ZNF506: variants seen among roughly 807,000 people sequenced by gnomAD.
ZNF506 encodes zinc finger protein 506.
In ZNF506, 10 loss-of-function variants were observed where a neutral mutation model predicts 11.6. That is an observed-to-expected ratio of 0.86 (90% CI 0.53 to 1.46). The LOEUF is 1.46. Among genes scored for constraint, ZNF506 ranks in the 40% most tolerant of loss-of-function variants. ZNF506 has a pLI of 0.00. For synonymous variants in ZNF506, 156 were observed against 173.3 expected (o/e 0.90, Z 0.78); for missense variants, 425 against 521.2 (o/e 0.82, Z 1.80).
chr19:19,800,391 A>AATATATATATATATATATATAT (rs3062863), intron 3 of ZNF506, among the ~76,000 whole-genome samples: 78 of 139,216 alleles, frequency 5.6e-4, no homozygotes, highest in East Asian at 2.6e-3. Context: ...AACTAAACAG[A>AATATATATATATATATATATAT]ATATATATAT....
rs771387495 is a variant in ZNF506 at position 19,806,116 on chromosome 19, GACA to G, written c.138_140del (p.Val47del). 3.1e-6 allele frequency: 5 copies of G among 1,602,832 alleles called. No individual in the cohort carries two copies. The highest frequency in any genetic ancestry group is 1.8e-5 in the Admixed American group (1 of 56,614). On this transcript the variant is annotated inframe_deletion, in exon 3 of 4. Transcript: ENST00000540806. ...GACAGGTGATCAGGTTTGGTTTAGA[GACA>G]ACAATACCTGTTTTATTAAGAATAA...
At chr19:19,800,423 T>TATATATATATATATTTATATA (rs1568474341) in intron 3 of ZNF506, among the ~76,000 whole-genome samples, 1 of 147,430 alleles carries the variant, frequency 6.8e-6, no homozygotes, top group East Asian at 2.0e-4. Context: ...TTTATATATA[T>TATATATATATATATTTATATA]TATTTTTTTT....
At chr19:19,808,273 G>A (rs71332160) in intron 1 of ZNF506, among the ~76,000 whole-genome samples, 2 of 150,848 alleles carry the variant, frequency 1.3e-5, no homozygotes, top group African/African-American at 4.9e-5. Flanking sequence ...ACAGGCACCC[G>A]CCACCAGGCC....
At chr19:19,808,348 T>C (rs1214144119) in intron 1 of ZNF506, among the ~76,000 whole-genome samples, 3 of 149,162 alleles carry the variant, frequency 2.0e-5, no homozygotes, top group Non-Finnish European at 4.5e-5. Flanking sequence ...TGGTCTCGAT[T>C]TCCTGACCTC....
chr19:19,794,901 G>C lies in ZNF506; in HGVS notation c.986C>G (p.Thr329Ser). ...GKAFNRSSNL[T>S]KHKRIHTGDV... The stretch of plus-strand genomic sequence containing the variant: ...TCCAGTATGAATTCTCTTATGTTTA[G>C]TAAGGTTTGAGGAACGGTTAAAAGC... Residue 329 changes from threonine to serine, a missense_variant, in exon 4 of 4, where the codon ACT becomes AGT. Physicochemically the swap from Thr to Ser is moderately conservative, Grantham distance 58 (BLOSUM62 1). Around this residue, in one of 3 missense-constraint regions of ZNF506, gnomAD observed 192 missense variants for 215.7 expected, o/e 0.89. Coordinates refer to ENST00000540806, the MANE Select transcript of ZNF506 (RefSeq NM_001099269.3). 1 of 1,613,588 alleles carries C rather than the reference G, an allele frequency of 6.2e-7. No homozygotes were observed. The highest frequency in any genetic ancestry group is 1.1e-5 in the South Asian group (1 of 91,050).
At position 19,795,610 on chromosome 19, in the gene ZNF506, C is replaced by G. The variant is rs774609179; in HGVS notation, c.277G>C (p.Asp93His). The change falls in exon 4 of 4, where the codon GAT becomes CAT. Residue 93 changes from aspartate (D) to histidine (H), a missense_variant. Asp to His is a moderately conservative substitution (Grantham distance 81). This residue lies in a region of ZNF506 where 226 missense variants were observed against 279.1 expected (regional missense o/e 0.81). Transcript: ENST00000540806. Reference sequence around the variant, plus strand: ...CTTAGTATCACTTTTTGGAAAGAATCTTTTATGCTCTGCTCTGACCAAAGG... The same window carrying G: ...CTTAGTATCACTTTTTGGAAAGAATGTTTTATGCTCTGCTCTGACCAAAGG... ...QDLWSEQSIK[D>H]SFQKVILRRY... 9 of 1,552,312 alleles carry G rather than the reference C, an allele frequency of 5.8e-6. No homozygotes were observed. The East Asian group carries it at 6.7e-5, about 12-fold the overall frequency.
rs757153780 is a variant in ZNF506, at chr19:19,821,652, A to G, written c.-49T>C. 3 of 1,612,522 alleles carry G rather than the reference A, an allele frequency of 1.9e-6. No individual in the cohort carries two copies. The highest frequency in any genetic ancestry group is 1.7e-5 in the Admixed American group (1 of 59,962). On this transcript the variant is annotated 5_prime_UTR_variant, in exon 1 of 4. Transcript: ENST00000540806. Reference sequence around the variant, plus strand: ...GCGTCCTAGCTGTGACCCTCCTAATACCTGCAGGTCACAGGGCCACAGAGG... The same window carrying G: ...GCGTCCTAGCTGTGACCCTCCTAATGCCTGCAGGTCACAGGGCCACAGAGG...
Position 19,806,060 on chromosome 19 carries a change from T to A in ZNF506, c.197A>T (p.Lys66Met). The A allele has an allele frequency of 6.2e-7, 1 of 1,610,368 alleles. No individual in the cohort carries two copies. The highest frequency in any genetic ancestry group is 8.5e-7 in the Non-Finnish European group (1 of 1,178,786). Residue 66 changes from lysine (K) to methionine (M), a missense_variant, in exon 3 of 4, where the codon AAG becomes ATG. Lys to Met is a moderately conservative substitution (Grantham distance 95, BLOSUM62 -1). Around this residue, in one of 3 missense-constraint regions of ZNF506, gnomAD observed 226 missense variants for 279.1 expected, o/e 0.81. Coordinates refer to ENST00000540806, the MANE Select transcript of ZNF506 (RefSeq NM_001099269.3). The part of the protein sequence containing the change: ...LEQGKKPLTM[K>M]RHEMIAKPPV... The stretch of plus-strand genomic sequence containing the variant: ...GGGTTTGGCAATCATCTCATGCCTC[T>A]TCATAGTTAAAGGTTTTTTTCCTTG...
chr19:19,817,940 G>A (rs10411953), intron 1 of ZNF506, among the ~76,000 whole-genome samples: 4,233 of 149,562 alleles, frequency 0.028, 203 homozygotes, highest in African/African-American at 0.099. Flanking sequence ...CCACTCTCCT[G>A]CCTCAGCCTC....
intron 3 of ZNF506, chr19:19,798,181 ATC>A (rs1456116542): frequency 6.6e-6 from 1 of 152,228 alleles, no homozygotes; most frequent in African/African-American, 2.4e-5. Flanking sequence ...AATTATGAAC[ATC>A]TGTTAATGAA....
At chr19:19,811,743 A>C (rs952558773) in intron 1 of ZNF506, among the ~76,000 whole-genome samples, 2 of 152,142 alleles carry the variant, frequency 1.3e-5, no homozygotes, top group Non-Finnish European at 2.9e-5. Context: ...CAGAGGTTGC[A>C]GTGAGCTGAG....
At chr19:19,801,549 G>A in intron 3 of ZNF506, among the ~76,000 whole-genome samples, 1 of 151,598 alleles carries the variant, frequency 6.6e-6, no homozygotes, top group Admixed American at 6.6e-5. Context: ...CCAGCACTTT[G>A]GGAGGCTCAG....
intron 3 of ZNF506, among the ~76,000 whole-genome samples, chr19:19,804,988 C>T (rs561615908): frequency 8.3e-4 from 126 of 151,988 alleles, no homozygotes; most frequent in African/African-American, 2.9e-3. Context: ...ATGTAAATGA[C>T]GAGTTAATGG....
At chr19:19,814,891 T>C (rs1599527269) in intron 1 of ZNF506, among the ~76,000 whole-genome samples, 1 of 152,098 alleles carries the variant, frequency 6.6e-6, no homozygotes, top group African/African-American at 2.4e-5. Context: ...GCAGATTCAG[T>C]GTCTGTGAGT....
chr19:19,799,818 A>C (rs995862870), intron 3 of ZNF506, among the ~76,000 whole-genome samples: 11 of 152,080 alleles, frequency 7.2e-5, no homozygotes, highest in African/African-American at 2.4e-4. Context: ...AGAAATAAAA[A>C]CAGCAAATCC....
chr19:19,805,710 T>C (rs2062830391), intron 3 of ZNF506, among the ~76,000 whole-genome samples: 1 of 152,094 alleles, frequency 6.6e-6, no homozygotes, highest in Admixed American at 6.6e-5. Flanking sequence ...TACTTGTGTG[T>C]CCCCAAAACA....
At chr19:19,796,316 G>C (rs1420019851) in intron 3 of ZNF506, 1 of 151,900 alleles carries the variant, frequency 6.6e-6, no homozygotes, top group Non-Finnish European at 1.5e-5. Context: ...GCCAACCCCT[G>C]GTTTCTTTTT....
At chr19:19,806,164 T>C in intron 2 of ZNF506, 38 bp from the exon 3 acceptor site, 1 of 1,482,390 alleles carries the variant, frequency 6.7e-7, no homozygotes, top group Non-Finnish European at 9.3e-7. Flanking sequence ...ATCTTGCTCA[T>C]ATTCTCCAAT....
intron 3 of ZNF506, among the ~76,000 whole-genome samples, chr19:19,801,838 T>C (rs2062796375): frequency 6.6e-6 from 1 of 151,220 alleles, no homozygotes; most frequent in South Asian, 2.1e-4. Context: ...AATGTGGAAC[T>C]TCAAAACAAT....
Sources: gnomAD v4.1 joint callset for allele counts (sites outside exome capture counted in the v4.1 genomes callset) on GRCh38, gnomAD v4.1.1 for gene constraint, gnomAD v4.1.1 regional missense constraint, MANE v1.5 for transcripts, NCBI Gene and HGNC (gene_info 2026-07-23, HGNC 2026-07-21) for gene names.